The following TRPM3 variants were observed in gnomAD, a reference collection of about 807,000 sequenced individuals.
The protein encoded by TRPM3 is long transient receptor potential channel 3.
TRPM3 carries 77 observed loss-of-function variants against 181.2 expected under a neutral mutation model. The ratio of observed to expected loss-of-function variants is 0.42; its 90% CI spans 0.35 to 0.51. The LOEUF is 0.51. Ranked by LOEUF, TRPM3 falls within the 20% of genes least tolerant of loss-of-function variation. The pLI, the probability that TRPM3 is intolerant of heterozygous loss-of-function variation, is 0.01. For missense variants in TRPM3, 1,759 were observed against 2,196.7 expected (o/e 0.80, Z 3.98); for synonymous variants, 745 against 796.4 (o/e 0.94, Z 1.09).
chr9:71,170,840 A>T (rs1443063313), intron 1 of TRPM3, among the ~76,000 whole-genome samples: 1 of 152,192 alleles, frequency 6.6e-6, no homozygotes, highest in African/African-American at 2.4e-5. Flanking sequence ...AAAAAAGAAC[A>T]GGATAACAGC....
chr9:71,187,756 T>G (rs1438958613), intron 1 of TRPM3, among the ~76,000 whole-genome samples: 3 of 151,972 alleles, frequency 2.0e-5, no homozygotes, highest in Non-Finnish European at 2.9e-5. Flanking sequence ...CTAATTTTGT[T>G]ATTTCTTCAG....
intron 7 of TRPM3, 149 bp downstream of exon 7, chr9:70,783,956 C>A: frequency 1.4e-6 from 2 of 1,424,744 alleles, no homozygotes; most frequent in Non-Finnish European, 1.8e-6. Context: ...TTCACCACAG[C>A]CCTCCCATGA....
intron 1 of TRPM3, among the ~76,000 whole-genome samples, chr9:71,351,812 G>A (rs1467407807): frequency 1.3e-5 from 2 of 151,324 alleles, no homozygotes; most frequent in African/African-American, 4.8e-5. Context: ...TATGGGAGGA[G>A]AGGCAATAAG....
At chr9:71,111,572 A>G (rs1401895427) in intron 1 of TRPM3, among the ~76,000 whole-genome samples, 1 of 152,134 alleles carries the variant, frequency 6.6e-6, no homozygotes, top group Non-Finnish European at 1.5e-5. Context: ...CACAACAAAG[A>G]CTTATTAAGC....
chr9:70,816,014 C>T (rs1450736682), intron 6 of TRPM3, among the ~76,000 whole-genome samples: 1 of 152,122 alleles, frequency 6.6e-6, no homozygotes, highest in Non-Finnish European at 1.5e-5. Context: ...ACAACAGATA[C>T]TCCTAGGCTT....
chr9:71,437,879 A>G (rs957955518), intron 1 of TRPM3, among the ~76,000 whole-genome samples: 215 of 150,962 alleles, frequency 1.4e-3, no homozygotes, highest in African/African-American at 4.8e-3. Context: ...AAAAAAAAAA[A>G]AGAAAAAAAA....
In TRPM3 at chr9:71,032,084, TATATA is replaced by T. The variant is rs1275814199; in HGVS notation, c.177+89089_177+89093del. Among the ~76,000 whole-genome samples the T allele has an allele frequency of 1.3e-3, 5 of 3,722 alleles. No individual in the cohort carries two copies. The African/African-American group carries it at 0.015, about 11-fold the overall frequency. 2.4% of individuals were successfully genotyped at this position (3,722 alleles called of 152,430 possible). ...TATATATATTATATTATATTATATA[TATATA>T]ATTATATAATATTATATATATTATA... On this transcript the variant is annotated intron_variant, in intron 1 of 25. Coordinates refer to ENST00000677713, the MANE Select transcript of TRPM3 (RefSeq NM_001366145.2).
chr9:71,121,098 G>T (rs186464410), intron 1 of TRPM3, 80 bp downstream of exon 1: 1,602 of 1,440,320 alleles, frequency 1.1e-3, no homozygotes, highest in Non-Finnish European at 1.4e-3. Context: ...CCAAAGGTGC[G>T]TCCCAGCCCA....
At position 71,425,545 on chromosome 9, in the gene TRPM3, A is replaced by G. The variant is rs530792292; in HGVS notation, c.183+21108T>C. Among the ~76,000 whole-genome samples, 4 of 152,158 alleles carry G rather than the reference A, an allele frequency of 2.6e-5. No homozygotes were observed. The East Asian group carries it at 7.7e-4, about 29-fold the overall frequency. ...CGAAAATACATTAGAAGATCAGTCC[A>G]TTTCTTCCCATCTCCACTGCCACCA... On this transcript the variant is annotated intron_variant, in intron 1 of 24. Coordinates refer to the TRPM3 transcript ENST00000357533.
intron 1 of TRPM3, among the ~76,000 whole-genome samples, chr9:71,040,764 C>T (rs77681365): frequency 1.3e-5 from 2 of 152,102 alleles, no homozygotes; most frequent in Admixed American, 6.6e-5. Flanking sequence ...AGGTGTCTTC[C>T]GATACAAGCC....
At chr9:71,172,676 T>C (rs924869795) in intron 1 of TRPM3, among the ~76,000 whole-genome samples, 2 of 152,160 alleles carry the variant, frequency 1.3e-5, no homozygotes, top group African/African-American at 4.8e-5. Flanking sequence ...AATTTTTAAC[T>C]GTGAGGTCTC....
At chr9:71,038,570 TCTTCC>T (rs1276990806) in intron 1 of TRPM3, among the ~76,000 whole-genome samples, 2 of 152,158 alleles carry the variant, frequency 1.3e-5, no homozygotes, top group Non-Finnish European at 2.9e-5. Context: ...CTCCTTATCA[TCTTCC>T]CTTTCTTCTT....
At chr9:70,967,655 G>A (rs1231228648) in intron 1 of TRPM3, among the ~76,000 whole-genome samples, 1 of 152,082 alleles carries the variant, frequency 6.6e-6, no homozygotes, top group East Asian at 1.9e-4. Flanking sequence ...AAGGGCTTCT[G>A]TGATCAAATT....
intron 1 of TRPM3, among the ~76,000 whole-genome samples, chr9:71,188,163 G>A (rs899762266): frequency 6.6e-6 from 1 of 151,678 alleles, no homozygotes; most frequent in Admixed American, 6.6e-5. Flanking sequence ...TAACACTTTT[G>A]CTTATGTTTA....
intron 1 of TRPM3, among the ~76,000 whole-genome samples, chr9:70,904,989 C>A (rs1408096213): frequency 6.6e-6 from 1 of 152,120 alleles, no homozygotes; most frequent in African/African-American, 2.4e-5. Flanking sequence ...AGTAGGTAAG[C>A]AAAATCTCAA....
chr9:71,218,273 C>A (rs966778954), intron 1 of TRPM3, among the ~76,000 whole-genome samples: 1 of 152,162 alleles, frequency 6.6e-6, no homozygotes, highest in African/African-American at 2.4e-5. Context: ...TCAAAAACAA[C>A]AATGACAACG....
rs2060253031 is a variant in TRPM3 at position 70,655,791 on chromosome 9, G to C, written c.1346-15131C>G. 1.3e-5 allele frequency among the ~76,000 whole-genome samples: 2 copies of C among 152,120 alleles called. 1 individual carries two copies. The highest frequency in any genetic ancestry group is 4.1e-4 in the South Asian group (2 of 4,832). On this transcript the variant is annotated intron_variant, in intron 9 of 25. Coordinates refer to ENST00000677713, the MANE Select transcript of TRPM3 (RefSeq NM_001366145.2). The stretch of plus-strand genomic sequence containing the variant: ...TATGCAAATTTAAAGCTATGTAGCT[G>C]ATAACTGCTTAGGTTACTGAAAGAG...
intron 6 of TRPM3, chr9:70,826,210 T>A (rs2093547832): frequency 6.6e-6 from 1 of 152,236 alleles, no homozygotes; most frequent in Admixed American, 6.5e-5. Flanking sequence ...TAGATAACAC[T>A]GATTACATAA....
intron 6 of TRPM3, among the ~76,000 whole-genome samples, chr9:70,789,344 T>G (rs1450729015): frequency 1.3e-5 from 2 of 152,216 alleles, no homozygotes; most frequent in East Asian, 3.8e-4. Context: ...TAAGTTCCTT[T>G]GAAGAGCCTT....
Sources: gnomAD v4.1 joint callset for allele counts (sites outside exome capture counted in the v4.1 genomes callset) on GRCh38, gnomAD v4.1.1 for gene constraint, MANE v1.5 for transcripts, NCBI Gene and HGNC (gene_info 2026-07-23, HGNC 2026-07-21) for gene names.